Variants in AGAP1 observed in about 807,000 individuals in gnomAD.
AGAP1 encodes arf-GAP with GTPase, ANK repeat and PH domain-containing protein 1.
Under a neutral mutation model 105.3 loss-of-function variants are expected in AGAP1, and 29 were observed. That is an observed-to-expected ratio of 0.28 (90% CI 0.21 to 0.38). The LOEUF (loss-of-function observed/expected upper bound fraction) is 0.38, where lower values mean the gene tolerates loss of function less well. Ranked by LOEUF, AGAP1 falls within the 10% of genes least tolerant of loss-of-function variation. AGAP1 has a pLI of 1.00. For missense variants in AGAP1, 998 were observed against 1,165.1 expected (o/e 0.86, Z 2.09); for synonymous variants, 509 against 485.9 (o/e 1.05, Z -0.63).
rs7604955 is a variant in AGAP1 at position 235,769,855 on chromosome 2, G to A, written c.673+19367G>A. Among the ~76,000 whole-genome samples the A allele has an allele frequency of 0.031, 4,694 of 152,166 alleles. 240 individuals carry two copies. Among genetic ancestry groups the A allele is most frequent in the African/African-American group, 0.1 (4,335 of 41,484 alleles). On this transcript the variant is annotated intron_variant, in intron 6 of 17. Coordinates refer to ENST00000304032, the MANE Select transcript of AGAP1 (RefSeq NM_001037131.3). The surrounding 1 kb of genome is among the most constrained non-coding windows in gnomAD (Gnocchi z 4.4). ...ACAGGGGAGGGAGGACATGGCCCTC[G>A]GCTGCCAAGGAGCATCCAGTCCTTT...
Position 235,739,552 on chromosome 2 carries a change from ACATC to A in AGAP1, c.311-1410_311-1407del. ...GCAAAATGAGAGTTTATCTGCTTTA[ACATC>A]AAAAGGTTTTCTTCATTGTTGTGTT... On this transcript the variant is annotated intron_variant, in intron 3 of 17. Transcript: ENST00000304032. The surrounding 1 kb of genome is among the most constrained non-coding windows in gnomAD (Gnocchi z 5.3). Among the ~76,000 whole-genome samples, 1 of 152,360 alleles carries A rather than the reference ACATC, an allele frequency of 6.6e-6. No individual in the cohort carries two copies. Among genetic ancestry groups the A allele is most frequent in the East Asian group, 1.9e-4 (1 of 5,182 alleles).
At position 235,967,518 on chromosome 2, in the gene AGAP1, GC is replaced by G. The variant is rs1277295840; in HGVS notation, c.1484-942del. On this transcript the variant is annotated intron_variant, in intron 12 of 17. Coordinates refer to ENST00000304032, the MANE Select transcript of AGAP1 (RefSeq NM_001037131.3). The surrounding 1 kb of genome is among the most constrained non-coding windows in gnomAD (Gnocchi z 4.7). ...TGTTTCTCCTCGATCAATGATGGCT[GC>G]CAAGCATCTTGAAAAGCCGCTGGCT... Among the ~76,000 whole-genome samples the G allele has an allele frequency of 1.3e-5, 2 of 152,196 alleles. No homozygotes were observed. Among genetic ancestry groups the G allele is most frequent in the Non-Finnish European group, 2.9e-5 (2 of 68,036 alleles).
chr2:235,701,757 G>T lies in AGAP1; in HGVS notation c.164-7422G>T, dbSNP rs185842556. On this transcript the variant is annotated intron_variant, in intron 1 of 17. Transcript: ENST00000304032. This position sits in a 1 kb window ranked among gnomAD's most constrained non-coding sequence, Gnocchi z 4.1. ...TTGCAGCGGGCTCTTTTCCGGCTGC[G>T]TTGAAATGGATTTCTTTATTCTATT... is the stretch of plus-strand genomic sequence containing the variant. Among the ~76,000 whole-genome samples, 1 of 152,088 alleles carries T rather than the reference G, an allele frequency of 6.6e-6. No individual in the cohort carries two copies. The highest frequency in any genetic ancestry group is 1.5e-5 in the Non-Finnish European group (1 of 68,034).
intron 1 of AGAP1, among the ~76,000 whole-genome samples, chr2:235,687,959 T>C (rs1247108275): frequency 3.7e-5 from 5 of 134,146 alleles, no homozygotes; most frequent in Non-Finnish European, 6.1e-5. Context: ...TGGAGTGCAG[T>C]GGCGCCATCT....
Position 236,114,967 on chromosome 2 carries a change from C to A in AGAP1, c.2115-5225C>A, listed in dbSNP as rs1576339100. Among the ~76,000 whole-genome samples, 1 of 152,188 alleles carries A rather than the reference C, an allele frequency of 6.6e-6. No homozygotes were observed. The highest frequency in any genetic ancestry group is 2.4e-5 in the African/African-American group (1 of 41,448). On this transcript the variant is annotated intron_variant, in intron 16 of 17. Transcript: ENST00000304032. This position sits in a 1 kb window ranked among gnomAD's most constrained non-coding sequence, Gnocchi z 5.0. Reference sequence around the variant, plus strand: ...CCCAGAGTCTCAGGATCCTCTGCACCCTCGGGGGAGCTCACAAGATGCCAG... The same window carrying A: ...CCCAGAGTCTCAGGATCCTCTGCACACTCGGGGGAGCTCACAAGATGCCAG...
Position 235,992,951 on chromosome 2 carries a change from G to A in AGAP1, c.1645+24328G>A, listed in dbSNP as rs1168050537. ...GGAGAACCTGGCTGGCCACATAGTG[G>A]AACTGGAAATGCCTCCATGCTGACG... On this transcript the variant is annotated intron_variant, in intron 13 of 17. Transcript: ENST00000304032. This position sits in a 1 kb window ranked among gnomAD's most constrained non-coding sequence, Gnocchi z 4.8. Among the ~76,000 whole-genome samples, 1 of 152,158 alleles carries A rather than the reference G, an allele frequency of 6.6e-6. No homozygotes were observed. The highest frequency in any genetic ancestry group is 1.5e-5 in the Non-Finnish European group (1 of 68,032).
intron 2 of AGAP1, among the ~76,000 whole-genome samples, chr2:235,715,035 G>T (rs1186814034): frequency 2.0e-5 from 3 of 152,172 alleles, no homozygotes; most frequent in African/African-American, 7.2e-5. Flanking sequence ...CTGACTTCAT[G>T]ATCTGCCCGC....
At chr2:235,704,722 G>A (rs963813252) in intron 1 of AGAP1, among the ~76,000 whole-genome samples, 17 of 152,156 alleles carry the variant, frequency 1.1e-4, no homozygotes, top group Non-Finnish European at 2.4e-4. Context: ...TTTGCTAAGC[G>A]TCCCAGGTTA....
At position 235,716,876 on chromosome 2, in the gene AGAP1, A is replaced by C. The variant is rs1172504620; in HGVS notation, c.223-681A>C. On this transcript the variant is annotated intron_variant, in intron 2 of 17. Coordinates refer to ENST00000304032, the MANE Select transcript of AGAP1 (RefSeq NM_001037131.3). This position sits in a 1 kb window ranked among gnomAD's most constrained non-coding sequence, Gnocchi z 4.0. Reference sequence around the variant, plus strand: ...CTGCTAGGACAGAGGCCCTCATGTCACCCTCCCTCCTGAGGGTCGCCTTCT... The same window carrying C: ...CTGCTAGGACAGAGGCCCTCATGTCCCCCTCCCTCCTGAGGGTCGCCTTCT... 6.6e-6 allele frequency among the ~76,000 whole-genome samples: 1 copy of C among 151,552 alleles called. No homozygotes were observed. Among genetic ancestry groups the C allele is most frequent in the Non-Finnish European group, 1.5e-5 (1 of 67,912 alleles).
chr2:235,783,986 A>G (rs529969698), intron 6 of AGAP1, among the ~76,000 whole-genome samples: 1 of 152,178 alleles, frequency 6.6e-6, no homozygotes, highest in Non-Finnish European at 1.5e-5. Flanking sequence ...GGACGGATGG[A>G]CGGACGGATG....
rs887825227 is a variant in AGAP1 at position 235,700,115 on chromosome 2, A to G, written c.164-9064A>G. ...ACAAAACTTGTTATCACCTTGGTTTATAACAGTGAGATGGAAACGGGATGG... is the reference window on the plus strand; with the variant it reads ...ACAAAACTTGTTATCACCTTGGTTTGTAACAGTGAGATGGAAACGGGATGG... On this transcript the variant is annotated intron_variant, in intron 1 of 17. Transcript: ENST00000304032. The surrounding 1 kb of genome is among the most constrained non-coding windows in gnomAD (Gnocchi z 6.1). Among the ~76,000 whole-genome samples, 1 of 152,222 alleles carries G rather than the reference A, an allele frequency of 6.6e-6. No individual in the cohort carries two copies. Among genetic ancestry groups the G allele is most frequent in the Non-Finnish European group, 1.5e-5 (1 of 68,040 alleles).
intron 1 of AGAP1, among the ~76,000 whole-genome samples, chr2:235,707,849 T>G (rs73124498): frequency 1.1e-4 from 17 of 148,980 alleles, no homozygotes; most frequent in African/African-American, 4.2e-4. Flanking sequence ...GCTCCCCCAG[T>G]GTGTGACATG....
intron 12 of AGAP1, among the ~76,000 whole-genome samples, chr2:235,956,380 C>G (rs147899387): frequency 1.3e-5 from 2 of 152,308 alleles, no homozygotes; most frequent in African/African-American, 2.4e-5. Context: ...CATTGCATTC[C>G]CAAGCATGCT....
chr2:236,008,780 A>ATG (rs2125550965), intron 13 of AGAP1, among the ~76,000 whole-genome samples: 1 of 152,356 alleles, frequency 6.6e-6, no homozygotes, highest in Admixed American at 6.5e-5. Context: ...GAAGCCACCA[A>ATG]TGTGAAAATC....
In AGAP1 at chr2:236,058,309, C is replaced by T. The variant is rs1197100682; in HGVS notation, c.2114+9028C>T. The stretch of plus-strand genomic sequence containing the variant: ...CTTCCTTTACCAGACTGTTGTCTGG[C>T]TTAGCATATCCAGTATATCCCAGCA... On this transcript the variant is annotated intron_variant, in intron 16 of 17. Transcript: ENST00000304032. This position sits in a 1 kb window ranked among gnomAD's most constrained non-coding sequence, Gnocchi z 4.6. 6.6e-6 allele frequency among the ~76,000 whole-genome samples: 1 copy of T among 152,140 alleles called. No individual in the cohort carries two copies. Among genetic ancestry groups the T allele is most frequent in the Non-Finnish European group, 1.5e-5 (1 of 68,034 alleles).
intron 13 of AGAP1, among the ~76,000 whole-genome samples, chr2:236,019,723 G>A (rs924111399): frequency 3.9e-5 from 6 of 152,198 alleles, no homozygotes; most frequent in Non-Finnish European, 8.8e-5. Flanking sequence ...CAGTACCAGT[G>A]GAGGGGACTA....
At position 235,763,252 on chromosome 2, in the gene AGAP1, C is replaced by T. The variant is rs757306030; in HGVS notation, c.673+12764C>T. Among the ~76,000 whole-genome samples the T allele has an allele frequency of 2.6e-5, 4 of 151,882 alleles. No homozygotes were observed. The East Asian group carries it at 5.8e-4, about 22-fold the overall frequency. On this transcript the variant is annotated intron_variant, in intron 6 of 17. Transcript: ENST00000304032. Reference sequence around the variant, plus strand: ...GCACACAAGTGCTCACGCAGAATTTCGGATTCCAGGTTTTCAGTTTAGGGA... The same window carrying T: ...GCACACAAGTGCTCACGCAGAATTTTGGATTCCAGGTTTTCAGTTTAGGGA...
At chr2:235,501,857 A>C (rs1336213527) in intron 1 of AGAP1, among the ~76,000 whole-genome samples, 1 of 152,076 alleles carries the variant, frequency 6.6e-6, no homozygotes, top group African/African-American at 2.4e-5. Context: ...AGGCTTAGCT[A>C]TTTTTAAAAT....
At chr2:235,671,207 A>T in intron 1 of AGAP1, 1 of 956,792 alleles carries the variant, frequency 1.0e-6, no homozygotes, top group Non-Finnish European at 1.4e-6. Context: ...TTTCCCCAGC[A>T]GGGCGCAGCG....
Sources: gnomAD v4.1 joint callset for allele counts (sites outside exome capture counted in the v4.1 genomes callset) on GRCh38, gnomAD v4.1.1 for gene constraint, Gnocchi (gnomAD v3.1) non-coding constraint, MANE v1.5 for transcripts, NCBI Gene and HGNC (gene_info 2026-07-23, HGNC 2026-07-21) for gene names.